The following MYO1D variants were observed in gnomAD, a reference collection of about 807,000 sequenced individuals.
MYO1D encodes the protein unconventional myosin-Id.
A neutral mutation model predicts 122.0 loss-of-function variants in MYO1D; 83 were observed. The ratio of observed to expected loss-of-function variants is 0.68; its 90% confidence interval spans 0.57 to 0.82. The LOEUF (loss-of-function observed/expected upper bound fraction) is 0.82, where lower values mean the gene tolerates loss of function less well. MYO1D is among the 40% of genes least tolerant of loss of function. The pLI is 0.00. For missense variants in MYO1D, 1,157 were observed against 1,269.5 expected (o/e 0.91, Z 1.35); for synonymous variants, 464 against 446.9 (o/e 1.04, Z -0.48).
At chr17:32,712,844 G>A (rs1164761759) in intron 15 of MYO1D, among the ~76,000 whole-genome samples, 1 of 152,150 alleles carries the variant, frequency 6.6e-6, no homozygotes, top group Non-Finnish European at 1.5e-5. Context: ...GTGTGAACAA[G>A]ACAGAAGTCA....
At chr17:32,651,927 C>T (rs1191935969) in intron 19 of MYO1D, among the ~76,000 whole-genome samples, 5 of 152,170 alleles carry the variant, frequency 3.3e-5, no homozygotes, top group South Asian at 2.1e-4. Flanking sequence ...CCACCCGCCT[C>T]GGCCTTCCAA....
At chr17:32,581,892 G>A (rs1353727047) in intron 21 of MYO1D, among the ~76,000 whole-genome samples, 1 of 152,004 alleles carries the variant, frequency 6.6e-6, no homozygotes, top group Non-Finnish European at 1.5e-5. Context: ...AGCCTCCTGA[G>A]TAGTTGGGAC....
intron 20 of MYO1D, among the ~76,000 whole-genome samples, chr17:32,630,446 G>A (rs769764395): frequency 6.6e-6 from 1 of 152,208 alleles, no homozygotes; most frequent in African/African-American, 2.4e-5. Flanking sequence ...TTTATGGTAT[G>A]TAAATATATT....
chr17:32,764,857 T>A (rs202109655), intron 8 of MYO1D, 21 bp downstream of exon 8: 14 of 1,612,222 alleles, frequency 8.7e-6, no homozygotes, highest in Admixed American at 1.7e-5. Context: ...CCAGGTGACA[T>A]AGGGTCAGTT....
intron 16 of MYO1D, among the ~76,000 whole-genome samples, chr17:32,662,254 T>C (rs2088575831): frequency 6.6e-6 from 1 of 152,254 alleles, no homozygotes; most frequent in South Asian, 2.1e-4. Flanking sequence ...TCTATTCTCT[T>C]AAGTTTCCTT....
chr17:32,677,580 A>G (rs1028367160), intron 16 of MYO1D, among the ~76,000 whole-genome samples: 32 of 135,878 alleles, frequency 2.4e-4, no homozygotes, highest in Non-Finnish European at 4.5e-4. Context: ...TAGATAGATA[A>G]ATATATATAT....
chr17:32,750,165 T>C (rs549748227), intron 11 of MYO1D, among the ~76,000 whole-genome samples: 2 of 152,322 alleles, frequency 1.3e-5, no homozygotes, highest in African/African-American at 4.8e-5. Flanking sequence ...AGGAATAGTT[T>C]ATGGGAAGGC....
At chr17:32,533,614 A>C (rs146715723) in intron 21 of MYO1D, among the ~76,000 whole-genome samples, 15 of 152,184 alleles carry the variant, frequency 9.9e-5, no homozygotes, top group African/African-American at 3.6e-4. Context: ...AAAAAGACCA[A>C]GCTCCTCTGG....
rs1442811077 is a variant in MYO1D at position 32,630,528 on chromosome 17, A to G, written c.2709+8194T>C. Among the ~76,000 whole-genome samples, 5 of 152,258 alleles carry G rather than the reference A, an allele frequency of 3.3e-5. No individual in the cohort carries two copies. The East Asian group carries it at 9.6e-4, about 29-fold the overall frequency. On this transcript the variant is annotated intron_variant, in intron 20 of 21. Coordinates refer to ENST00000318217, the MANE Select transcript of MYO1D (RefSeq NM_015194.3). Reference sequence around the variant, plus strand: ...AAACAGCAGAAATGTATTTCCTTGAAGTTCTGGAGGCTGGAAGTTTAAAAT... The same window carrying G: ...AAACAGCAGAAATGTATTTCCTTGAGGTTCTGGAGGCTGGAAGTTTAAAAT...
intron 1 of MYO1D, among the ~76,000 whole-genome samples, chr17:32,810,682 G>C (rs2090563382): frequency 6.6e-6 from 1 of 152,010 alleles, no homozygotes; most frequent in Non-Finnish European, 1.5e-5. Context: ...TCACCATGTT[G>C]GCCAGGCTGG....
intron 8 of MYO1D, among the ~76,000 whole-genome samples, chr17:32,763,213 C>T (rs1315954351): frequency 6.6e-6 from 1 of 151,292 alleles, no homozygotes; most frequent in Non-Finnish European, 1.5e-5. Context: ...AACTTGATGT[C>T]ATTGCCCCTC....
intron 21 of MYO1D, chr17:32,518,813 C>T (rs905906436): frequency 1.3e-5 from 2 of 152,308 alleles, no homozygotes; most frequent in Non-Finnish European, 2.9e-5. Context: ...CTAACAGCAG[C>T]ACATTTTGCT....
intron 16 of MYO1D, among the ~76,000 whole-genome samples, chr17:32,661,474 G>T (rs1055187423): frequency 6.6e-6 from 1 of 152,078 alleles, no homozygotes; most frequent in Non-Finnish European, 1.5e-5. Context: ...GCAACATGGT[G>T]AAACCCTGTC....
intron 16 of MYO1D, among the ~76,000 whole-genome samples, chr17:32,672,588 C>T (rs771662532): frequency 6.6e-6 from 1 of 152,022 alleles, no homozygotes; most frequent in Non-Finnish European, 1.5e-5. Context: ...TGGGTTCAAG[C>T]GATTCTCCTG....
chr17:32,778,680 C>A, intron 2 of MYO1D, 107 bp from the exon 3 acceptor site: 1 of 1,019,298 alleles, frequency 9.8e-7, no homozygotes, highest in Admixed American at 2.3e-5. Context: ...CATTTAAAAT[C>A]CCACATGTTG....
chr17:32,500,556 G>T (rs1417101232), intron 21 of MYO1D, among the ~76,000 whole-genome samples: 1 of 151,952 alleles, frequency 6.6e-6, no homozygotes, highest in African/African-American at 2.4e-5. Flanking sequence ...CTGCTGTGAC[G>T]TTTGGGCAGA....
intron 1 of MYO1D, among the ~76,000 whole-genome samples, chr17:32,787,038 AATAAG>A (rs902119687): frequency 2.6e-5 from 4 of 152,156 alleles, no homozygotes; most frequent in East Asian, 3.9e-4. Context: ...AGCTCTCTAA[AATAAG>A]ATATCAAAGA....
At chr17:32,646,710 C>T (rs924400424) in intron 19 of MYO1D, among the ~76,000 whole-genome samples, 3 of 152,114 alleles carry the variant, frequency 2.0e-5, no homozygotes, top group East Asian at 1.9e-4. Flanking sequence ...GAAAATATTA[C>T]GTTTTTATAT....
chr17:32,721,951 C>T (rs953988242), intron 14 of MYO1D, among the ~76,000 whole-genome samples: 81 of 152,164 alleles, frequency 5.3e-4, no homozygotes, highest in African/African-American at 1.7e-3. Flanking sequence ...TAAAGAATTT[C>T]TTTTTCTTCT....
Sources: allele counts gnomAD v4.1 joint callset (sites outside exome capture counted in the v4.1 genomes callset), GRCh38; gene constraint gnomAD v4.1.1; transcripts MANE v1.5; gene names NCBI Gene and HGNC (gene_info 2026-07-23, HGNC 2026-07-21).